The following RIN2 variants were observed in gnomAD, a reference collection of about 807,000 sequenced individuals.
RIN2 encodes the protein Ras and Rab interactor 2, also known as RAB5 interacting protein 2.
RIN2 carries 36 observed loss-of-function variants against 78.0 expected under a neutral mutation model. The ratio of observed to expected loss-of-function variants is 0.46; its 90% CI spans 0.35 to 0.61. The LOEUF is 0.61. Among genes scored for constraint, RIN2 ranks in the 20% least tolerant of loss-of-function variants. The probability of loss-of-function intolerance (pLI) is 0.00; values close to 1 mark genes in which losing one functional copy is unlikely to be tolerated. For missense variants in RIN2, 1,087 were observed against 1,159.7 expected (o/e 0.94, Z 0.91); for synonymous variants, 466 against 466.8 (o/e 1.00, Z 0.02).
At chr20:19,826,262 AATT>A (rs1370929716) in intron 2 of RIN2, among the ~76,000 whole-genome samples, 19 of 152,220 alleles carry the variant, frequency 1.2e-4, no homozygotes, top group Admixed American at 1.2e-3. Flanking sequence ...AATAATAAAT[AATT>A]ATGAGAATAG....
intron 1 of RIN2, among the ~76,000 whole-genome samples, chr20:19,785,333 A>G (rs901546790): frequency 1.3e-5 from 2 of 152,080 alleles, no homozygotes; most frequent in Admixed American, 1.3e-4. Flanking sequence ...ACATTCCACC[A>G]CTAATTAAAT....
intron 3 of RIN2, chr20:19,934,551 A>T (rs1445553842): frequency 4.1e-6 from 4 of 985,100 alleles, no homozygotes; most frequent in Non-Finnish European, 4.8e-6. Flanking sequence ...CCCTTTCCCC[A>T]ACAATCTTCT....
chr20:19,845,800 C>T (rs1184265135), intron 2 of RIN2, among the ~76,000 whole-genome samples: 2 of 152,070 alleles, frequency 1.3e-5, no homozygotes, highest in African/African-American at 2.4e-5. Flanking sequence ...GAAGTCTTTG[C>T]CCATGCCTAT....
chr20:19,787,185 G>A (rs965031143), intron 1 of RIN2, among the ~76,000 whole-genome samples: 1 of 152,066 alleles, frequency 6.6e-6, no homozygotes, highest in Admixed American at 6.6e-5. Flanking sequence ...CACTTTGGGA[G>A]GCCGAGGCAG....
At chr20:19,932,649 A>G (rs138783595) in intron 3 of RIN2, among the ~76,000 whole-genome samples, 6 of 152,078 alleles carry the variant, frequency 3.9e-5, no homozygotes, top group African/African-American at 1.4e-4. Flanking sequence ...AAGTCCTGGG[A>G]GTGTCCAGAG....
intron 3 of RIN2, among the ~76,000 whole-genome samples, chr20:19,924,454 T>C (rs993570302): frequency 8.9e-5 from 5 of 56,146 alleles, no homozygotes; most frequent in Non-Finnish European, 9.3e-5. Context: ...ACCCTCACCT[T>C]CATACCCTCA....
intron 12 of RIN2, 143 bp from the exon 13 acceptor site, chr20:20,000,470 C>T (rs1297712887): frequency 4.7e-6 from 3 of 641,620 alleles, no homozygotes; most frequent in African/African-American, 3.6e-5. Context: ...CCTTGCCATT[C>T]GAAGCCTCGT....
chr20:19,975,478 A>C lies in RIN2; in HGVS notation c.1453A>C (p.Ser485Arg). 1 of 1,614,050 alleles carries C rather than the reference A, an allele frequency of 6.2e-7. No individual in the cohort carries two copies. The highest frequency in any genetic ancestry group is 1.1e-5 in the South Asian group (1 of 91,088). Reference protein sequence around the residue: ...PPIKSKKKRSSSFVLPKLVKS... With the variant: ...PPIKSKKKRSRSFVLPKLVKS... ...CATCAAGTCCAAAAAGAAAAGGAGCAGCTCCTTCGTGCTGCCCAAGCTCGT... is the reference window on the plus strand; with the variant it reads ...CATCAAGTCCAAAAAGAAAAGGAGCCGCTCCTTCGTGCTGCCCAAGCTCGT... Residue 485 changes from serine (S) to arginine (R), a missense_variant, in exon 9 of 13, where the codon AGC becomes CGC. Around this residue, in one of 8 missense-constraint regions of RIN2, gnomAD observed 706 missense variants for 667.5 expected, o/e 1.06. Coordinates refer to ENST00000255006, the MANE Select transcript of RIN2 (RefSeq NM_018993.4). This position sits in a 1 kb window ranked among gnomAD's most constrained non-coding sequence, Gnocchi z 4.9.
At position 19,974,545 on chromosome 20, in the gene RIN2, C is replaced by T. The variant is rs2042205439; in HGVS notation, c.629-109C>T. On this transcript the variant is annotated intron_variant, in intron 8 of 12. Coordinates refer to ENST00000255006, the MANE Select transcript of RIN2 (RefSeq NM_018993.4). ...ACCTGAGTACAACGCACCCCCTACC[C>T]CACCCCGCAAGACTCGCGTTGTCAT... 7.2e-6 allele frequency: 8 copies of T among 1,110,072 alleles called. 1 individual carries two copies. In the South Asian group the frequency reaches 1.1e-4, roughly 15 times the overall value. The allele number at this position is 1,110,072 out of a possible 1,614,324, so 68.8% of individuals were successfully genotyped here.
chr20:19,775,208 T>C (rs1037570124), intron 1 of RIN2, among the ~76,000 whole-genome samples: 1 of 152,174 alleles, frequency 6.6e-6, no homozygotes, highest in Non-Finnish European at 1.5e-5. Flanking sequence ...GATAAAATTG[T>C]CTAAGAAAAG....
At chr20:19,996,096 G>T (rs1488502934) in intron 11 of RIN2, among the ~76,000 whole-genome samples, 1 of 152,146 alleles carries the variant, frequency 6.6e-6, no homozygotes, top group African/African-American at 2.4e-5. Flanking sequence ...AGGTGGATCA[G>T]TTGAGGCCAA....
Position 19,973,825 on chromosome 20 carries a change from G to A in RIN2, c.629-829G>A, listed in dbSNP as rs185715863. Among the ~76,000 whole-genome samples, 16 of 152,166 alleles carry A rather than the reference G, an allele frequency of 1.1e-4. No homozygotes were observed. In the East Asian group the frequency reaches 2.5e-3, roughly 24 times the overall value. Reference sequence around the variant, plus strand: ...AAAAAAGAATAACCTATCCCAAATGGAAATTATAACAGGCACCACTGATCA... The same window carrying A: ...AAAAAAGAATAACCTATCCCAAATGAAAATTATAACAGGCACCACTGATCA... On this transcript the variant is annotated intron_variant, in intron 8 of 12. Transcript: ENST00000255006.
At chr20:19,837,833 CTCCTT>C (rs2036468224) in intron 2 of RIN2, among the ~76,000 whole-genome samples, 1 of 151,538 alleles carries the variant, frequency 6.6e-6, no homozygotes, top group East Asian at 1.9e-4. Flanking sequence ...CCTCCCCTGT[CTCCTT>C]TCCTTTCCTT....
intron 2 of RIN2, among the ~76,000 whole-genome samples, chr20:19,857,641 A>C (rs1278560660): frequency 6.6e-6 from 1 of 152,050 alleles, no homozygotes; most frequent in Non-Finnish European, 1.5e-5. Context: ...CAGTCTTTTA[A>C]ATTTTACTTA....
chr20:19,956,716 T>C lies in RIN2; in HGVS notation c.260T>C (p.Leu87Ser). 1 of 1,611,496 alleles carries C rather than the reference T, an allele frequency of 6.2e-7. No homozygotes were observed. Among genetic ancestry groups the C allele is most frequent in the South Asian group, 1.1e-5 (1 of 90,350 alleles). Reference protein sequence around the residue: ...YDSLSNRLSILDRLLHTHPIW... With the variant: ...YDSLSNRLSISDRLLHTHPIW... ...AGCCTCTCCAACAGGCTCAGCATCTTGGACCGGCTCCTCCACACCCACCCC... is the reference window on the plus strand; with the variant it reads ...AGCCTCTCCAACAGGCTCAGCATCTCGGACCGGCTCCTCCACACCCACCCC... The change falls in exon 5 of 13, where the codon TTG (leucine) becomes TCG (serine). Residue 87 changes from leucine to serine, a missense_variant. Leu to Ser is a moderately radical substitution (Grantham distance 145). Transcript: ENST00000255006.
chr20:19,931,350 A>G (rs2040431973), intron 3 of RIN2, among the ~76,000 whole-genome samples: 1 of 152,192 alleles, frequency 6.6e-6, no homozygotes, highest in Non-Finnish European at 1.5e-5. Context: ...TATGTTGTCC[A>G]GGCTGGTCTC....
intron 1 of RIN2, among the ~76,000 whole-genome samples, chr20:19,776,928 A>G (rs1297197225): frequency 1.3e-5 from 2 of 152,094 alleles, no homozygotes; most frequent in Non-Finnish European, 2.9e-5. Context: ...CCTTGGTCAC[A>G]TGTTCTCAGG....
intron 4 of RIN2, 167 bp downstream of exon 4, chr20:19,935,366 T>C: frequency 2.3e-6 from 3 of 1,295,948 alleles, no homozygotes; most frequent in Non-Finnish European, 3.0e-6. Flanking sequence ...TAGGAACTAG[T>C]TGTCTGCTTG....
At chr20:19,992,055 T>C in intron 10 of RIN2, 113 bp from the exon 11 acceptor site, 1 of 1,249,062 alleles carries the variant, frequency 8.0e-7, no homozygotes, top group Non-Finnish European at 1.1e-6. Context: ...TGTTTATAAA[T>C]AGCACAGTTC....
Sources: gnomAD v4.1 joint callset for allele counts (sites outside exome capture counted in the v4.1 genomes callset) on GRCh38, gnomAD v4.1.1 for gene constraint, gnomAD v4.1.1 regional missense constraint, Gnocchi (gnomAD v3.1) non-coding constraint, MANE v1.5 for transcripts, NCBI Gene and HGNC (gene_info 2026-07-23, HGNC 2026-07-21) for gene names.